Variants in SCARB1 observed in about 807,000 individuals in gnomAD.
SCARB1 encodes the protein CD36 and LIMPII analogous 1.
Under a neutral mutation model 57.2 loss-of-function variants are expected in SCARB1, and 30 were observed. That is an observed-to-expected ratio of 0.52 (90% CI 0.39 to 0.71). The LOEUF is 0.71. Ranked by LOEUF, SCARB1 falls within the 30% of genes least tolerant of loss-of-function variation. SCARB1 has a pLI of 0.00. For missense variants in SCARB1, 543 were observed against 671.2 expected, an observed-to-expected ratio of 0.81 and a Z score of 2.11; for synonymous variants, 249 against 268.3, an observed-to-expected ratio of 0.93 and a Z score of 0.70.
intron 12 of SCARB1, among the ~76,000 whole-genome samples, chr12:124,779,703 C>A (rs1372642585): frequency 1.3e-5 from 2 of 152,210 alleles, no homozygotes; most frequent in Non-Finnish European, 2.9e-5. Flanking sequence ...TCCCACTAAG[C>A]CCCCTGCCTC....
intron 7 of SCARB1, among the ~76,000 whole-genome samples, chr12:124,804,043 TGGTACC>T (rs959536464): frequency 6.6e-6 from 1 of 152,248 alleles, no homozygotes; most frequent in African/African-American, 2.4e-5. Flanking sequence ...CCCCTTCTCC[TGGTACC>T]TACACCCCCA....
intron 1 of SCARB1, among the ~76,000 whole-genome samples, chr12:124,832,004 G>A (rs747709693): frequency 6.6e-6 from 1 of 152,042 alleles, no homozygotes; most frequent in Admixed American, 6.5e-5. Flanking sequence ...AGGGACAAAC[G>A]CAATGTGGGG....
At chr12:124,809,584 C>G (rs867779997) in intron 6 of SCARB1, among the ~76,000 whole-genome samples, 24 of 152,364 alleles carry the variant, frequency 1.6e-4, no homozygotes, top group Middle Eastern at 3.4e-3. Context: ...CACCCTCTCA[C>G]TACCGGGCAC....
chr12:124,803,850 A>C (rs1422814679), intron 7 of SCARB1, among the ~76,000 whole-genome samples: 1 of 152,166 alleles, frequency 6.6e-6, no homozygotes, highest in Admixed American at 6.5e-5. Flanking sequence ...GCACCACTGC[A>C]CTTGAGCCTG....
chr12:124,798,292 T>C (rs1950016309), intron 8 of SCARB1, among the ~76,000 whole-genome samples: 1 of 151,972 alleles, frequency 6.6e-6, no homozygotes, highest in Non-Finnish European at 1.5e-5. Flanking sequence ...GTGCCTTTAA[T>C]CCCAGCTACT....
At chr12:124,831,014 C>T (rs1408836538) in intron 1 of SCARB1, among the ~76,000 whole-genome samples, 1 of 149,220 alleles carries the variant, frequency 6.7e-6, no homozygotes, top group Non-Finnish European at 1.5e-5. Flanking sequence ...TTTGCTCTGT[C>T]ACCCAGGCTG....
Position 124,814,845 on chromosome 12 carries a change from AC to A in SCARB1, c.426+127del. 1 of 1,232,962 alleles carries A rather than the reference AC, an allele frequency of 8.1e-7. No individual in the cohort carries two copies. Among genetic ancestry groups the A allele is most frequent in the Non-Finnish European group, 1.2e-6 (1 of 864,010 alleles). The allele number at this position is 1,232,962 out of a possible 1,614,324, so 76.4% of individuals were successfully genotyped here. A position where few individuals can be genotyped will look rare whatever the true frequency, so the allele number is the denominator to read the frequency against. On this transcript the variant is annotated intron_variant, in intron 3 of 12. Transcript: ENST00000261693. This position sits in a 1 kb window ranked among gnomAD's most constrained non-coding sequence, Gnocchi z 4.7. ...TGGAGACAGCACAGGGCCGAAAGCCACCCACCAGGCGTGAGTCCCCACGCTC... is the reference window on the plus strand; with the variant it reads ...TGGAGACAGCACAGGGCCGAAAGCCACCACCAGGCGTGAGTCCCCACGCTC...
At chr12:124,803,196 G>A (rs1462973679) in intron 7 of SCARB1, among the ~76,000 whole-genome samples, 2 of 152,210 alleles carry the variant, frequency 1.3e-5, no homozygotes, top group Non-Finnish European at 1.5e-5. Context: ...AGGGCGGTGG[G>A]AGGACCGCGA....
rs763486133 is a variant in SCARB1 at position 124,814,910 on chromosome 12, C to T, written c.426+63G>A. On this transcript the variant is annotated intron_variant, in intron 3 of 12. Coordinates refer to ENST00000261693, the MANE Select transcript of SCARB1 (RefSeq NM_005505.5). This position sits in a 1 kb window ranked among gnomAD's most constrained non-coding sequence, Gnocchi z 4.7. ...GACTGCTCTCTGCACAAGGGGCAGG[C>T]GGGAGGAGAGACAGGGGACGAGGTC... The T allele has an allele frequency of 1.9e-5, 30 of 1,604,602 alleles. No individual in the cohort carries two copies. Among genetic ancestry groups the T allele is most frequent in the African/African-American group, 6.7e-5 (5 of 74,752 alleles).
intron 1 of SCARB1, among the ~76,000 whole-genome samples, chr12:124,846,656 G>A (rs534904411): frequency 1.8e-4 from 26 of 147,484 alleles, no homozygotes; most frequent in African/African-American, 5.0e-4. Flanking sequence ...GCTTGAACCC[G>A]GGGGGCAGAA....
At chr12:124,816,357 T>TA (rs1409364699) in intron 2 of SCARB1, among the ~76,000 whole-genome samples, 1 of 152,208 alleles carries the variant, frequency 6.6e-6, no homozygotes, top group African/African-American at 2.4e-5. Flanking sequence ...TGAAGGAGTA[T>TA]AGAGAGCTTT....
chr12:124,821,219 C>T (rs1283845002), intron 1 of SCARB1, among the ~76,000 whole-genome samples: 2 of 147,980 alleles, frequency 1.4e-5, no homozygotes, highest in Admixed American at 1.4e-4. Flanking sequence ...GCCTGGGCAA[C>T]AGAACGAGAC....
At chr12:124,825,806 T>C (rs924349629) in intron 1 of SCARB1, among the ~76,000 whole-genome samples, 1 of 152,208 alleles carries the variant, frequency 6.6e-6, no homozygotes, top group South Asian at 2.1e-4. Flanking sequence ...GGACAAATAC[T>C]GCAGGACAAA....
At position 124,810,929 on chromosome 12, in the gene SCARB1, G is replaced by T. The variant is rs759369435; in HGVS notation, c.727-640C>A. The stretch of plus-strand genomic sequence containing the variant: ...GGTGATTTTTGCCACTCTGGGCACC[G>T]GTTGGGGTACGATTTGTCCCTAGCC... On this transcript the variant is annotated intron_variant, in intron 5 of 12. Coordinates refer to ENST00000261693, the MANE Select transcript of SCARB1 (RefSeq NM_005505.5). The surrounding 1 kb of genome is among the most constrained non-coding windows in gnomAD (Gnocchi z 4.0). Among the ~76,000 whole-genome samples the T allele has an allele frequency of 6.6e-6, 1 of 152,226 alleles. No homozygotes were observed. The highest frequency in any genetic ancestry group is 1.5e-5 in the Non-Finnish European group (1 of 68,042).
chr12:124,828,070 G>A (rs1006194836), intron 1 of SCARB1, among the ~76,000 whole-genome samples: 1 of 152,108 alleles, frequency 6.6e-6, no homozygotes, highest in African/African-American at 2.4e-5. Flanking sequence ...TGTCTAGCGG[G>A]TGGTAACGCT....
rs1428150285 is a variant in SCARB1, at chr12:124,807,480, C to T, written c.1009+281G>A. Among the ~76,000 whole-genome samples the T allele has an allele frequency of 1.3e-5, 2 of 152,142 alleles. No homozygotes were observed. The highest frequency in any genetic ancestry group is 2.4e-5 in the African/African-American group (1 of 41,426). ...AGGAACACAGCCGCCTTGTTCTGAG[C>T]GCGGTGAGACCCACGCAGACTTCTG... On this transcript the variant is annotated intron_variant, in intron 7 of 12. Transcript: ENST00000261693. This position sits in a 1 kb window ranked among gnomAD's most constrained non-coding sequence, Gnocchi z 5.3.
intron 1 of SCARB1, among the ~76,000 whole-genome samples, chr12:124,829,850 C>T (rs1951316854): frequency 6.6e-6 from 1 of 152,212 alleles, no homozygotes; most frequent in Non-Finnish European, 1.5e-5. Context: ...CCTAAAGCAG[C>T]CCTTCCCCCA....
Position 124,814,442 on chromosome 12 carries a change from C to T in SCARB1, c.427-37G>A, listed in dbSNP as rs142696135. On this transcript the variant is annotated intron_variant, in intron 3 of 12. Coordinates refer to ENST00000261693, the MANE Select transcript of SCARB1 (RefSeq NM_005505.5). The surrounding 1 kb of genome is among the most constrained non-coding windows in gnomAD (Gnocchi z 4.7). ...AGGGACACTAGTGTCAGAGGCTGGA[C>T]GTGGCTGGCCCATCCTCCCTTGGCC... is the stretch of plus-strand genomic sequence containing the variant. 8.9e-5 allele frequency: 142 copies of T among 1,602,922 alleles called. No homozygotes were observed. The highest frequency in any genetic ancestry group is 5.4e-4 in the African/African-American group (40 of 74,766).
chr12:124,814,700 C>T lies in SCARB1; in HGVS notation c.426+273G>A, dbSNP rs1168532163. On this transcript the variant is annotated intron_variant, in intron 3 of 12. Coordinates refer to ENST00000261693, the MANE Select transcript of SCARB1 (RefSeq NM_005505.5). This position sits in a 1 kb window ranked among gnomAD's most constrained non-coding sequence, Gnocchi z 4.7. ...GCCTGTGGCTCAGCCCTCAACAAGA[C>T]AGCCCCTTTTGGAGATCTCAGAAAT... Among the ~76,000 whole-genome samples the T allele has an allele frequency of 6.6e-6, 1 of 152,178 alleles. No individual in the cohort carries two copies. The highest frequency in any genetic ancestry group is 2.4e-5 in the African/African-American group (1 of 41,440).
Sources: allele counts gnomAD v4.1 joint callset (sites outside exome capture counted in the v4.1 genomes callset), GRCh38; gene constraint gnomAD v4.1.1; non-coding constraint Gnocchi (gnomAD v3.1); transcripts MANE v1.5; gene names NCBI Gene and HGNC (gene_info 2026-07-23, HGNC 2026-07-21).